ACYP2: variants seen among roughly 807,000 people sequenced by gnomAD.
ACYP2 encodes the protein acylphosphatase 2, also known as acylphosphatase-2.
A neutral mutation model predicts 11.2 loss-of-function variants in ACYP2; 12 were observed. That is an observed-to-expected ratio of 1.08 (90% CI 0.69 to 1.74). The LOEUF is 1.74. Ranked by LOEUF, ACYP2 falls within the 40% of genes most tolerant of loss-of-function variation. ACYP2 has a pLI of 0.00. For missense variants in ACYP2, 134 were observed against 101.9 expected (o/e 1.31, Z -1.35); for synonymous variants, 43 against 32.2 (o/e 1.33, Z -1.13).
chr2:54,014,287 G>A (rs1673558682), intron 2 of ACYP2, among the ~76,000 whole-genome samples: 1 of 152,084 alleles, frequency 6.6e-6, no homozygotes, highest in African/African-American at 2.4e-5. Context: ...GGTGGGGCTA[G>A]GGTCAGGATT....
chr2:54,179,435 C>G (rs191636699), intron 6 of ACYP2, among the ~76,000 whole-genome samples: 2 of 152,024 alleles, frequency 1.3e-5, no homozygotes, highest in Non-Finnish European at 2.9e-5. Context: ...CAGGGCAAGT[C>G]GGCGGAGTAA....
chr2:54,201,656 T>TTCTC (rs1392934492), intron 6 of ACYP2, among the ~76,000 whole-genome samples: 1 of 102,550 alleles, frequency 9.8e-6, no homozygotes, highest in African/African-American at 3.7e-5. Context: ...CTTTCTTTCT[T>TTCTC]TCTTTCTTTC....
At chr2:54,255,141 C>T in intron 6 of ACYP2, 1 of 1,614,194 alleles carries the variant, frequency 6.2e-7, no homozygotes, top group Middle Eastern at 1.6e-4. Flanking sequence ...GAATGAAGGA[C>T]TGGGGTCCAT....
chr2:54,293,561 T>G (rs1689400184), intron 6 of ACYP2, among the ~76,000 whole-genome samples: 1 of 152,226 alleles, frequency 6.6e-6, no homozygotes, highest in Non-Finnish European at 1.5e-5. Flanking sequence ...TAGAAGTATG[T>G]GACTCTGAGG....
intron 6 of ACYP2, among the ~76,000 whole-genome samples, chr2:54,209,970 G>A (rs1371951787): frequency 1.3e-5 from 2 of 151,794 alleles, no homozygotes; most frequent in Non-Finnish European, 2.9e-5. Context: ...GCGAAACCCC[G>A]TCTCTACTAA....
chr2:54,064,428 C>G (rs1311420285), intron 4 of ACYP2, among the ~76,000 whole-genome samples: 3 of 151,404 alleles, frequency 2.0e-5, no homozygotes, highest in African/African-American at 7.3e-5. Flanking sequence ...GCAGTGCAAG[C>G]TGTGGCAACC....
At chr2:54,294,519 C>T (rs1386134687) in intron 6 of ACYP2, among the ~76,000 whole-genome samples, 1 of 152,096 alleles carries the variant, frequency 6.6e-6, no homozygotes, top group Middle Eastern at 3.2e-3. Flanking sequence ...CACACATATG[C>T]CCCCAACCAT....
At chr2:54,188,437 C>G (rs1256290545) in intron 6 of ACYP2, among the ~76,000 whole-genome samples, 6 of 152,044 alleles carry the variant, frequency 3.9e-5, no homozygotes, top group Non-Finnish European at 8.8e-5. Context: ...AAGATGCTCA[C>G]TATTATATTG....
intron 6 of ACYP2, among the ~76,000 whole-genome samples, chr2:54,166,708 T>C (rs1682989778): frequency 6.6e-6 from 1 of 152,198 alleles, no homozygotes; most frequent in South Asian, 2.1e-4. Context: ...CTACTCACCT[T>C]GAAGATTTCT....
At chr2:54,143,475 C>T (rs1167737335) in intron 6 of ACYP2, among the ~76,000 whole-genome samples, 2 of 152,030 alleles carry the variant, frequency 1.3e-5, no homozygotes, top group African/African-American at 4.8e-5. Context: ...GCTTTGTTGC[C>T]CACGCTGGAG....
chr2:54,139,741 A>C (rs1186232404), intron 6 of ACYP2, among the ~76,000 whole-genome samples: 1 of 152,238 alleles, frequency 6.6e-6, no homozygotes, highest in Non-Finnish European at 1.5e-5. Context: ...TATTGTAATA[A>C]GTGAAGTAAC....
At chr2:54,166,406 G>A (rs1682977522) in intron 6 of ACYP2, among the ~76,000 whole-genome samples, 1 of 152,196 alleles carries the variant, frequency 6.6e-6, no homozygotes, top group Non-Finnish European at 1.5e-5. Flanking sequence ...AGAAGAATGT[G>A]TATACAGAAT....
intron 6 of ACYP2, among the ~76,000 whole-genome samples, chr2:54,185,229 T>A (rs1036518009): frequency 6.6e-6 from 1 of 152,156 alleles, no homozygotes; most frequent in African/African-American, 2.4e-5. Context: ...GGATTCAGAT[T>A]AATGACACAC....
intron 6 of ACYP2, among the ~76,000 whole-genome samples, chr2:54,232,729 G>T (rs1686290919): frequency 6.6e-6 from 1 of 152,156 alleles, no homozygotes; most frequent in African/African-American, 2.4e-5. Flanking sequence ...GGAAAGCAAG[G>T]CATGTCTTAC....
chr2:54,276,619 TCACACACACA>T (rs3071186), intron 6 of ACYP2, among the ~76,000 whole-genome samples: 210 of 146,208 alleles, frequency 1.4e-3, no homozygotes, highest in South Asian at 5.7e-3. Context: ...GATTGTTCTT[TCACACACACA>T]CACACACACA....
At chr2:54,047,771 T>C (rs2104568245) in intron 2 of ACYP2, among the ~76,000 whole-genome samples, 2 of 152,344 alleles carry the variant, frequency 1.3e-5, no homozygotes, top group African/African-American at 4.8e-5. Context: ...AAGTGTGAGA[T>C]GGATTTTTTA....
chr2:54,236,591 C>A (rs1686488864), intron 6 of ACYP2, among the ~76,000 whole-genome samples: 1 of 152,044 alleles, frequency 6.6e-6, no homozygotes, highest in African/African-American at 2.4e-5. Context: ...GAATTTGTGG[C>A]AATTTGCTTT....
At chr2:54,236,216 T>C (rs899332748) in intron 6 of ACYP2, among the ~76,000 whole-genome samples, 1 of 152,042 alleles carries the variant, frequency 6.6e-6, no homozygotes, top group African/African-American at 2.4e-5. Context: ...GATTACTAAA[T>C]AGGTGTGAGC....
At chr2:54,048,087 A>G (rs1403887411) in intron 2 of ACYP2, among the ~76,000 whole-genome samples, 1 of 152,192 alleles carries the variant, frequency 6.6e-6, no homozygotes, top group African/African-American at 2.4e-5. Flanking sequence ...AGTATTATTC[A>G]TTTAGAGATG....
Sources: allele counts gnomAD v4.1 joint callset (sites outside exome capture counted in the v4.1 genomes callset), GRCh38; gene constraint gnomAD v4.1.1; transcripts MANE v1.5; gene names NCBI Gene and HGNC (gene_info 2026-07-23, HGNC 2026-07-21).